ZNF608: variants seen among roughly 807,000 people sequenced by gnomAD.
The protein encoded by ZNF608 is renal carcinoma antigen NY-REN-36.
ZNF608 carries 12 observed loss-of-function variants against 109.0 expected under a neutral mutation model. That is an observed-to-expected ratio of 0.11 (90% CI 0.07 to 0.18). The LOEUF (loss-of-function observed/expected upper bound fraction) is 0.18. Among genes scored for constraint, ZNF608 ranks in the 10% least tolerant of loss-of-function variants. The probability of loss-of-function intolerance (pLI) is 1.00; values close to 1 mark genes in which losing one functional copy is unlikely to be tolerated. For missense variants in ZNF608, 1,707 were observed against 1,879.3 expected (o/e 0.91, Z 1.70); for synonymous variants, 732 against 717.4 (o/e 1.02, Z -0.33).
At chr5:124,731,086 C>A (rs2149891985) in intron 2 of ZNF608, among the ~76,000 whole-genome samples, 1 of 152,342 alleles carries the variant, frequency 6.6e-6, no homozygotes, top group African/African-American at 2.4e-5. Flanking sequence ...TTCAGTCAAC[C>A]AAAGAAATCA....
At chr5:124,690,945 ACAC>A (rs577735878) in intron 3 of ZNF608, among the ~76,000 whole-genome samples, 9,655 of 117,140 alleles carry the variant, frequency 0.082, 933 homozygotes, top group African/African-American at 0.26. Context: ...ACACACACAC[ACAC>A]ACACACATAA....
At chr5:124,695,339 TCTCAC>T (rs1443968941) in intron 3 of ZNF608, among the ~76,000 whole-genome samples, 1 of 152,234 alleles carries the variant, frequency 6.6e-6, no homozygotes, top group Non-Finnish European at 1.5e-5. Flanking sequence ...TAATGTTTAA[TCTCAC>T]CTCAAATTAA....
intron 5 of ZNF608, 66 bp downstream of exon 5, chr5:124,646,613 C>T: frequency 2.0e-6 from 3 of 1,524,242 alleles, no homozygotes; most frequent in Middle Eastern, 2.4e-4. Context: ...CAGATCAAGC[C>T]CAGACATGTA....
intron 3 of ZNF608, among the ~76,000 whole-genome samples, chr5:124,669,111 G>T (rs986556229): frequency 1.3e-5 from 2 of 152,126 alleles, no homozygotes; most frequent in African/African-American, 2.4e-5. Context: ...GGATGGAGCA[G>T]TAGTGACTTT....
intron 2 of ZNF608, among the ~76,000 whole-genome samples, chr5:124,732,727 A>G (rs1175184392): frequency 6.6e-6 from 1 of 151,784 alleles, no homozygotes; most frequent in East Asian, 1.9e-4. Flanking sequence ...AAGAGAATGC[A>G]TTGTCTAGGG....
At chr5:124,642,525 C>A (rs1750289599) in intron 7 of ZNF608, among the ~76,000 whole-genome samples, 1 of 152,012 alleles carries the variant, frequency 6.6e-6, no homozygotes, top group African/African-American at 2.4e-5. Context: ...GTAGCAGAAA[C>A]CTCAAATCTC....
intron 3 of ZNF608, among the ~76,000 whole-genome samples, chr5:124,685,536 A>T (rs1752375281): frequency 6.6e-6 from 1 of 151,982 alleles, no homozygotes; most frequent in Non-Finnish European, 1.5e-5. Context: ...CTGGTAGAGT[A>T]TCTGCATCTC....
Position 124,637,287 on chromosome 5 carries a change from G to A in ZNF608, c.*613C>T, listed in dbSNP as rs2149776644. Reference sequence around the variant, plus strand: ...GTTTTTGTGGTACTGGCAACCCCATGCCTTCCAAAAGTACTTTTTCCACAA... The same window carrying A: ...GTTTTTGTGGTACTGGCAACCCCATACCTTCCAAAAGTACTTTTTCCACAA... On this transcript the variant is annotated 3_prime_UTR_variant, in exon 10 of 10. Transcript: ENST00000513986. 1 of 152,674 alleles carries A rather than the reference G, an allele frequency of 6.5e-6. No individual in the cohort carries two copies. Among genetic ancestry groups the A allele is most frequent in the Admixed American group, 6.5e-5 (1 of 15,290 alleles). 9.5% of individuals were successfully genotyped at this position (152,674 alleles called of 1,614,324 possible). A position where few individuals can be genotyped will look rare whatever the true frequency, so the allele number is the denominator to read the frequency against.
At chr5:124,669,459 G>A (rs1296226925) in intron 3 of ZNF608, among the ~76,000 whole-genome samples, 3 of 152,172 alleles carry the variant, frequency 2.0e-5, no homozygotes, top group African/African-American at 7.2e-5. Flanking sequence ...GGGACCTGAC[G>A]GGAACAGTGG....
intron 4 of ZNF608, 42 bp downstream of exon 4, chr5:124,649,568 G>C: frequency 6.7e-7 from 1 of 1,485,604 alleles, no homozygotes. Context: ...TCCCTGCAAA[G>C]AGAGGATGGG....
chr5:124,672,342 A>G (rs1057103249), intron 3 of ZNF608, among the ~76,000 whole-genome samples: 1 of 152,204 alleles, frequency 6.6e-6, no homozygotes, highest in African/African-American at 2.4e-5. Flanking sequence ...CTTATGTTTA[A>G]CCAGAGTTGA....
Position 124,647,224 on chromosome 5 carries a change from G to C in ZNF608, c.3160C>G (p.His1054Asp). Reference sequence around the variant, plus strand: ...TGAGGCTGTAAGGATGCAGAATTGTGGTCCACTTTCTTAGAATCTAACTGC... The same window carrying C: ...TGAGGCTGTAAGGATGCAGAATTGTCGTCCACTTTCTTAGAATCTAACTGC... ...AEQLDSKKVD[H>D]NSASLQPQHQ... Residue 1054 changes from histidine (H) to aspartate (D), a missense_variant, in exon 5 of 10, where the codon CAC becomes GAC. Physicochemically the swap from His to Asp is moderately conservative, Grantham distance 81. Around this residue, in one of 7 missense-constraint regions of ZNF608, gnomAD observed 1,073 missense variants for 1,133.5 expected, o/e 0.95. Coordinates refer to ENST00000513986, the MANE Select transcript of ZNF608 (RefSeq NM_020747.3). The C allele has an allele frequency of 6.2e-7, 1 of 1,614,164 alleles. No individual in the cohort carries two copies. Among genetic ancestry groups the C allele is most frequent in the Non-Finnish European group, 8.5e-7 (1 of 1,180,034 alleles).
chr5:124,702,945 A>T (rs1378299306), intron 2 of ZNF608, among the ~76,000 whole-genome samples: 1 of 152,214 alleles, frequency 6.6e-6, no homozygotes, highest in Non-Finnish European at 1.5e-5. Flanking sequence ...TGACAAATGA[A>T]CAAAGGGGTT....
chr5:124,641,427 T>A, intron 7 of ZNF608, 22 bp from the exon 8 acceptor site: 10 of 1,594,612 alleles, frequency 6.3e-6, no homozygotes, highest in Non-Finnish European at 8.6e-6. Context: ...AAGAGAAATT[T>A]TCCCCCTTCA....
At position 124,649,049 on chromosome 5, in the gene ZNF608, C is replaced by A. The variant is rs369055811; in HGVS notation, c.1335G>T (p.Pro445=). 1 of 1,614,056 alleles carries A rather than the reference C, an allele frequency of 6.2e-7. No individual in the cohort carries two copies. Among genetic ancestry groups the A allele is most frequent in the African/African-American group, 1.3e-5 (1 of 75,016 alleles). The change falls in exon 5 of 10, where the codon CCG becomes CCT. Residue 445 remains proline, a synonymous_variant. Transcript: ENST00000513986. ...GKRARSAAAA[P]GSEASFTESR... Reference sequence around the variant, plus strand: ...ACTCTGTGAAGCTGGCCTCGGAGCCCGGGGCAGCAGCAGCAGACCTCGCTC... The same window carrying A: ...ACTCTGTGAAGCTGGCCTCGGAGCCAGGGGCAGCAGCAGCAGACCTCGCTC...
intron 2 of ZNF608, among the ~76,000 whole-genome samples, chr5:124,716,820 C>T (rs1561580373): frequency 6.6e-6 from 1 of 152,122 alleles, no homozygotes; most frequent in Non-Finnish European, 1.5e-5. Flanking sequence ...TGGTGGCTCA[C>T]GCCTGTAATT....
chr5:124,646,246 A>G (rs1445959323), intron 5 of ZNF608, among the ~76,000 whole-genome samples: 1 of 152,194 alleles, frequency 6.6e-6, no homozygotes, highest in Non-Finnish European at 1.5e-5. Context: ...CTGTAGTCCC[A>G]GCTACTCAGG....
At chr5:124,737,232 T>G (rs1749193872) in intron 2 of ZNF608, among the ~76,000 whole-genome samples, 1 of 152,222 alleles carries the variant, frequency 6.6e-6, no homozygotes, top group Non-Finnish European at 1.5e-5. Flanking sequence ...CTTTTTAAAC[T>G]GTAAAAGCTA....
At chr5:124,694,142 A>ATATTTTTTTTT (rs1752742541) in intron 3 of ZNF608, among the ~76,000 whole-genome samples, 1 of 63,932 alleles carries the variant, frequency 1.6e-5, no homozygotes, top group East Asian at 6.3e-4. Flanking sequence ...CGCTCGGCTA[A>ATATTTTTTTTT]TTTTTTTTTT....
Sources: gnomAD v4.1 joint callset for allele counts (sites outside exome capture counted in the v4.1 genomes callset) on GRCh38, gnomAD v4.1.1 for gene constraint, gnomAD v4.1.1 regional missense constraint, MANE v1.5 for transcripts, NCBI Gene and HGNC (gene_info 2026-07-23, HGNC 2026-07-21) for gene names.